Variants in CAMKMT observed in about 807,000 individuals in gnomAD.
CAMKMT encodes the protein CaM KMT.
A neutral mutation model predicts 48.0 loss-of-function variants in CAMKMT; 53 were observed. That is an observed-to-expected ratio of 1.10 (90% CI 0.89 to 1.39). The LOEUF is 1.39. CAMKMT is among the 40% of genes most tolerant of loss of function. CAMKMT has a pLI of 0.00. For synonymous variants in CAMKMT, 165 were observed against 152.3 expected (o/e 1.08, Z -0.61); for missense variants, 428 against 402.7 (o/e 1.06, Z -0.54).
intron 3 of CAMKMT, among the ~76,000 whole-genome samples, chr2:44,477,076 A>G (rs1668727232): frequency 6.6e-6 from 1 of 152,212 alleles, no homozygotes; most frequent in South Asian, 2.1e-4. Context: ...TATTTAAACA[A>G]AATTTGAAAA....
chr2:44,548,912 C>T (rs944618506), intron 3 of CAMKMT, among the ~76,000 whole-genome samples: 16 of 152,140 alleles, frequency 1.1e-4, no homozygotes, highest in African/African-American at 3.9e-4. Context: ...ATTCCCTGAG[C>T]AGAAAACTCA....
At chr2:44,502,712 C>T (rs185171524) in intron 3 of CAMKMT, among the ~76,000 whole-genome samples, 2 of 152,242 alleles carry the variant, frequency 1.3e-5, no homozygotes, top group Admixed American at 1.3e-4. Context: ...GAGAGCCCAG[C>T]ATGCATATCC....
intron 3 of CAMKMT, among the ~76,000 whole-genome samples, chr2:44,582,502 T>A (rs1669620675): frequency 6.6e-6 from 1 of 152,192 alleles, no homozygotes; most frequent in Non-Finnish European, 1.5e-5. Context: ...TTTATAAAGG[T>A]CAGTGGTTAC....
Position 44,408,324 on chromosome 2 carries a change from G to A in CAMKMT, c.376+18019G>A, listed in dbSNP as rs1018191018. On this transcript the variant is annotated intron_variant, in intron 3 of 10. Transcript: ENST00000378494. ...CAGGCGTGAGCCACCGCGCCTGGCC[G>A]TCTTTTACTCTTTATAGATTGCTAT... is the stretch of plus-strand genomic sequence containing the variant. 7.9e-5 allele frequency among the ~76,000 whole-genome samples: 12 copies of A among 151,848 alleles called. 1 individual carries two copies. Among genetic ancestry groups the A allele is most frequent in the African/African-American group, 2.4e-4 (10 of 41,438 alleles).
chr2:44,757,875 T>C (rs572391236), intron 9 of CAMKMT, among the ~76,000 whole-genome samples: 1 of 152,276 alleles, frequency 6.6e-6, no homozygotes, highest in South Asian at 2.1e-4. Flanking sequence ...CTCGGCCTTA[T>C]GGGGGCCTTT....
At position 44,390,279 on chromosome 2, in the gene CAMKMT, C is replaced by T; in HGVS notation, c.350C>T (p.Thr117Ile). The T allele has an allele frequency of 6.2e-7, 1 of 1,609,246 alleles. No homozygotes were observed. Among genetic ancestry groups the T allele is most frequent in the Non-Finnish European group, 8.5e-7 (1 of 1,177,688 alleles). ...SGSLNVEDVL[T>I]SFDNTGNVCI... is the part of the protein sequence containing the mutation. ...TCCTTGAATGTTGAAGATGTCCTTA[C>T]CAGCTTTGACAATACAGGAAATGTT... Residue 117 changes from threonine (T) to isoleucine (I), a missense_variant, in exon 3 of 11, where the codon ACC (threonine) becomes ATC (isoleucine). Thr to Ile is a moderately conservative substitution (Grantham distance 89, BLOSUM62 -1). Transcript: ENST00000378494.
At chr2:44,399,160 G>T (rs959869312) in intron 3 of CAMKMT, among the ~76,000 whole-genome samples, 1 of 152,088 alleles carries the variant, frequency 6.6e-6, no homozygotes, top group Non-Finnish European at 1.5e-5. Flanking sequence ...TTCATAGTTC[G>T]TCTTAAGCCT....
At chr2:44,432,137 T>C (rs1684687800) in intron 3 of CAMKMT, among the ~76,000 whole-genome samples, 1 of 152,202 alleles carries the variant, frequency 6.6e-6, no homozygotes. Flanking sequence ...TAAGAATGTT[T>C]AAAATATTAT....
At chr2:44,523,113 T>C (rs1320330230) in intron 3 of CAMKMT, among the ~76,000 whole-genome samples, 1 of 152,038 alleles carries the variant, frequency 6.6e-6, no homozygotes. Flanking sequence ...GTAATGAAAT[T>C]TGTTCTGGTT....
At chr2:44,429,188 A>G (rs1684476652) in intron 3 of CAMKMT, among the ~76,000 whole-genome samples, 1 of 151,918 alleles carries the variant, frequency 6.6e-6, no homozygotes, top group South Asian at 2.1e-4. Flanking sequence ...TCCCTACCCT[A>G]CAAGCTGTGA....
chr2:44,706,367 C>T, intron 5 of CAMKMT, 26 bp downstream of exon 5: 2 of 1,611,264 alleles, frequency 1.2e-6, no homozygotes, highest in East Asian at 4.5e-5. Flanking sequence ...ATTCCAATCC[C>T]ATTCAGAGGG....
intron 3 of CAMKMT, among the ~76,000 whole-genome samples, chr2:44,615,162 G>C (rs917998857): frequency 1.3e-4 from 19 of 151,828 alleles, no homozygotes; most frequent in Non-Finnish European, 2.5e-4. Context: ...CTGGCCTCAA[G>C]TGATCCCCCG....
chr2:44,698,331 A>G (rs1677073479), intron 3 of CAMKMT, among the ~76,000 whole-genome samples: 1 of 152,226 alleles, frequency 6.6e-6, no homozygotes, highest in Non-Finnish European at 1.5e-5. Flanking sequence ...GATATTTCAT[A>G]TAAATAAAAA....
intron 3 of CAMKMT, among the ~76,000 whole-genome samples, chr2:44,508,503 C>T (rs1475928054): frequency 3.3e-5 from 5 of 152,168 alleles, no homozygotes; most frequent in Admixed American, 2.0e-4. Flanking sequence ...CTTTCCTTCC[C>T]TCACACTCAA....
At chr2:44,605,213 A>C (rs2103873382) in intron 3 of CAMKMT, among the ~76,000 whole-genome samples, 1 of 152,308 alleles carries the variant, frequency 6.6e-6, no homozygotes, top group East Asian at 1.9e-4. Flanking sequence ...GGGGAAATCA[A>C]GGTTGAGAAA....
intron 3 of CAMKMT, among the ~76,000 whole-genome samples, chr2:44,504,052 G>C (rs537312761): frequency 6.6e-6 from 1 of 151,540 alleles, no homozygotes; most frequent in South Asian, 2.1e-4. Flanking sequence ...CTTTTTGTAA[G>C]GGCCCAGATG....
chr2:44,504,662 A>G (rs1351398009), intron 3 of CAMKMT, among the ~76,000 whole-genome samples: 1 of 152,092 alleles, frequency 6.6e-6, no homozygotes, highest in Non-Finnish European at 1.5e-5. Context: ...AGCCATTTTA[A>G]TAGATGTATG....
chr2:44,744,164 T>C (rs377572177), intron 8 of CAMKMT, among the ~76,000 whole-genome samples: 11 of 152,342 alleles, frequency 7.2e-5, no homozygotes, highest in African/African-American at 2.6e-4. Context: ...GGAATATCTT[T>C]GGGGAAATAG....
intron 3 of CAMKMT, among the ~76,000 whole-genome samples, chr2:44,659,711 A>G (rs1344906757): frequency 6.6e-6 from 1 of 152,042 alleles, no homozygotes; most frequent in African/African-American, 2.4e-5. Context: ...TATACTGTCT[A>G]TTCATGGTAG....
Sources: allele counts gnomAD v4.1 joint callset (sites outside exome capture counted in the v4.1 genomes callset), GRCh38; gene constraint gnomAD v4.1.1; transcripts MANE v1.5; gene names NCBI Gene and HGNC (gene_info 2026-07-23, HGNC 2026-07-21).